Variants in CADM1 observed in about 807,000 individuals in gnomAD.
CADM1 encodes cell adhesion molecule 1.
In CADM1, 15 loss-of-function variants were observed where a neutral mutation model predicts 53.1. That is an observed-to-expected ratio of 0.28 (90% CI 0.19 to 0.44). The LOEUF is 0.44. CADM1 is among the 20% of genes least tolerant of loss of function. CADM1 has a pLI of 1.00. For synonymous variants in CADM1, 281 were observed against 243.0 expected (o/e 1.16, Z -1.45); for missense variants, 434 against 611.3 (o/e 0.71, Z 3.06).
chr11:115,256,422 T>C (rs1942789713), intron 1 of CADM1, among the ~76,000 whole-genome samples: 1 of 152,166 alleles, frequency 6.6e-6, no homozygotes, highest in African/African-American at 2.4e-5. Flanking sequence ...TTAATGAATA[T>C]CCATGGATCA....
intron 1 of CADM1, among the ~76,000 whole-genome samples, chr11:115,375,450 AT>A (rs1419843146): frequency 1.3e-5 from 2 of 152,076 alleles, no homozygotes; most frequent in Non-Finnish European, 2.9e-5. Context: ...TTTTGCGACA[AT>A]TTACTGAGCT....
chr11:115,176,394 T>C lies in CADM1; in HGVS notation c.*80A>G. The C allele has an allele frequency of 6.2e-7, 1 of 1,604,296 alleles. No individual in the cohort carries two copies. Among genetic ancestry groups the C allele is most frequent in the South Asian group, 1.1e-5 (1 of 90,288 alleles). On this transcript the variant is annotated 3_prime_UTR_variant, in exon 12 of 12. Coordinates refer to ENST00000331581, the MANE Select transcript of CADM1 (RefSeq NM_001301043.2). Reference sequence around the variant, plus strand: ...CCATTCATAAAAAAACACACGAATTTCTCGCAAGTTCCAATATCACTGTCT... The same window carrying C: ...CCATTCATAAAAAAACACACGAATTCCTCGCAAGTTCCAATATCACTGTCT...
At chr11:115,194,395 G>A (rs1940048139) in intron 9 of CADM1, among the ~76,000 whole-genome samples, 1 of 152,340 alleles carries the variant, frequency 6.6e-6, no homozygotes, top group South Asian at 2.1e-4. Context: ...AAGAGCTACA[G>A]GGGCAGTTTT....
At chr11:115,248,629 A>G (rs145391364) in intron 1 of CADM1, among the ~76,000 whole-genome samples, 1 of 152,366 alleles carries the variant, frequency 6.6e-6, no homozygotes, top group Non-Finnish European at 1.5e-5. Context: ...GCACACTGGT[A>G]GGTGAAAACC....
intron 5 of CADM1, among the ~76,000 whole-genome samples, chr11:115,221,287 G>A (rs185593647): frequency 9.9e-4 from 151 of 152,314 alleles, no homozygotes; most frequent in African/African-American, 3.1e-3. Flanking sequence ...CAATTAGGTC[G>A]AGGGATCTGA....
intron 1 of CADM1, among the ~76,000 whole-genome samples, chr11:115,453,558 A>G (rs1948621981): frequency 6.6e-6 from 1 of 152,060 alleles, no homozygotes; most frequent in South Asian, 2.1e-4. Flanking sequence ...GAGTGCAGTG[A>G]CAGGATCTCG....
intron 1 of CADM1, among the ~76,000 whole-genome samples, chr11:115,335,237 CTT>C (rs1945237620): frequency 6.6e-6 from 1 of 152,072 alleles, no homozygotes; most frequent in South Asian, 2.1e-4. Context: ...TTTAAAGAAT[CTT>C]ATGAATCCAC....
chr11:115,310,027 G>A (rs901223424), intron 1 of CADM1, among the ~76,000 whole-genome samples: 1 of 152,008 alleles, frequency 6.6e-6, no homozygotes, highest in African/African-American at 2.4e-5. Flanking sequence ...ACCAACTTTG[G>A]CAAATGTACT....
intron 1 of CADM1, among the ~76,000 whole-genome samples, chr11:115,260,751 C>T (rs2135015444): frequency 6.6e-6 from 1 of 152,196 alleles, no homozygotes; most frequent in East Asian, 1.9e-4. Flanking sequence ...TGGCTCACTG[C>T]AAGCTCCGCC....
At chr11:115,264,992 C>T (rs751491207) in intron 1 of CADM1, among the ~76,000 whole-genome samples, 1 of 152,106 alleles carries the variant, frequency 6.6e-6, no homozygotes, top group Non-Finnish European at 1.5e-5. Context: ...TTTGGTGGGA[C>T]ACACGCACAC....
At position 115,393,558 on chromosome 11, in the gene CADM1, GA is replaced by G. The variant is rs35434663; in HGVS notation, c.124+110712del. Among the ~76,000 whole-genome samples, 1,311 of 140,090 alleles carry G rather than the reference GA, an allele frequency of 9.4e-3. 16 individuals carry two copies. Among genetic ancestry groups the G allele is most frequent in the African/African-American group, 0.031 (1,167 of 37,604 alleles). 91.9% of individuals were successfully genotyped at this position (140,090 alleles called of 152,430 possible). A position where few individuals can be genotyped will look rare whatever the true frequency, so the allele number is the denominator to read the frequency against. ...AAAAGAGCAAATGTTAACAGTATCT[GA>G]AAAAAAAAAAACATAGAGGTAGCAT... is the stretch of plus-strand genomic sequence containing the variant. On this transcript the variant is annotated intron_variant, in intron 1 of 11. Coordinates refer to ENST00000331581, the MANE Select transcript of CADM1 (RefSeq NM_001301043.2).
intron 6 of CADM1, among the ~76,000 whole-genome samples, chr11:115,215,325 G>A (rs7120879): frequency 0.12 from 17,693 of 152,178 alleles, 2,280 homozygotes; most frequent in East Asian, 0.34. Flanking sequence ...CTGGAAAGAT[G>A]TAATCATTTC....
At chr11:115,336,042 A>G (rs1945258771) in intron 1 of CADM1, among the ~76,000 whole-genome samples, 1 of 152,164 alleles carries the variant, frequency 6.6e-6, no homozygotes. Flanking sequence ...ACAAGTATGT[A>G]GCAAAAATGC....
intron 8 of CADM1, among the ~76,000 whole-genome samples, chr11:115,204,325 T>C (rs1288361063): frequency 2.6e-5 from 4 of 152,208 alleles, no homozygotes; most frequent in Non-Finnish European, 4.4e-5. Context: ...CCTCAGCATC[T>C]GCGGCACCTT....
intron 1 of CADM1, among the ~76,000 whole-genome samples, chr11:115,361,876 C>T (rs1003471389): frequency 6.9e-6 from 1 of 145,956 alleles, no homozygotes; most frequent in African/African-American, 2.5e-5. Flanking sequence ...TGGGTGTGCA[C>T]CACCACACCC....
intron 1 of CADM1, among the ~76,000 whole-genome samples, chr11:115,494,189 A>G (rs76302970): frequency 0.028 from 4,327 of 152,242 alleles, 112 homozygotes; most frequent in African/African-American, 0.065. Context: ...GGATCTAGGT[A>G]AAGTAAATAC....
intron 1 of CADM1, among the ~76,000 whole-genome samples, chr11:115,495,159 C>T (rs1354159790): frequency 6.6e-6 from 1 of 152,052 alleles, no homozygotes; most frequent in Non-Finnish European, 1.5e-5. Flanking sequence ...TTTTTTCTCC[C>T]TATCTTTGAA....
chr11:115,434,863 A>ATTTT (rs71066429), intron 1 of CADM1, among the ~76,000 whole-genome samples: 12 of 128,716 alleles, frequency 9.3e-5, no homozygotes, highest in South Asian at 2.5e-4. Context: ...TATTATTATT[A>ATTTT]TTTTTTTTTT....
chr11:115,219,637 T>C (rs1264823130), intron 5 of CADM1, among the ~76,000 whole-genome samples: 3 of 151,958 alleles, frequency 2.0e-5, no homozygotes, highest in Admixed American at 2.0e-4. Context: ...GTCGGGAAGG[T>C]AGTCATTAAA....
Sources: gnomAD v4.1 joint callset for allele counts (sites outside exome capture counted in the v4.1 genomes callset) on GRCh38, gnomAD v4.1.1 for gene constraint, MANE v1.5 for transcripts, NCBI Gene and HGNC (gene_info 2026-07-23, HGNC 2026-07-21) for gene names.